Variants in PKNOX2 observed in about 807,000 individuals in gnomAD.
PKNOX2 encodes the protein PBX/knotted 1 homeobox 2, also known as homeobox protein PKNOX2.
Under a neutral mutation model 53.1 loss-of-function variants are expected in PKNOX2, and 14 were observed. The ratio of observed to expected loss-of-function variants is 0.26; its 90% CI spans 0.17 to 0.41. The LOEUF (loss-of-function observed/expected upper bound fraction) is 0.41. PKNOX2 is among the 10% of genes least tolerant of loss of function. PKNOX2 has a pLI of 1.00. For synonymous variants in PKNOX2, 257 were observed against 242.8 expected (o/e 1.06, Z -0.54); for missense variants, 496 against 602.8 (o/e 0.82, Z 1.85).
rs1350209830 is a variant in PKNOX2 at position 125,344,743 on chromosome 11, C to T, written c.-22-6541C>T. ...CCCACTGAGTATTCCAAGGAGGACC[C>T]GGAGGGGCAGTAGGGAAGCAGGTGT... On this transcript the variant is annotated intron_variant, in intron 3 of 12. Transcript: ENST00000298282. Among the ~76,000 whole-genome samples the T allele has an allele frequency of 2.6e-5, 4 of 152,122 alleles. No homozygotes were observed. The East Asian group carries it at 5.8e-4, about 22-fold the overall frequency.
In PKNOX2 at chr11:125,184,801, C is replaced by A. The variant is rs1956353049; in HGVS notation, c.-201+20025C>A. Reference sequence around the variant, plus strand: ...TGTCTCCCAAGAAGACCTAGTAAATCCTTAGTGGTAATAGGAATGACAGCA... The same window carrying A: ...TGTCTCCCAAGAAGACCTAGTAAATACTTAGTGGTAATAGGAATGACAGCA... On this transcript the variant is annotated intron_variant, in intron 1 of 12. Coordinates refer to ENST00000298282, the MANE Select transcript of PKNOX2 (RefSeq NM_001382323.2). Among the ~76,000 whole-genome samples the A allele has an allele frequency of 3.3e-5, 5 of 152,196 alleles. No homozygotes were observed. The South Asian group carries it at 1.0e-3, about 31-fold the overall frequency.
chr11:125,353,912 T>G (rs900748680), intron 4 of PKNOX2, among the ~76,000 whole-genome samples: 1 of 151,654 alleles, frequency 6.6e-6, no homozygotes, highest in African/African-American at 2.4e-5. Context: ...GGAAAGGAGC[T>G]AGGGCAGGGG....
intron 1 of PKNOX2, among the ~76,000 whole-genome samples, chr11:125,181,488 G>C (rs1471143124): frequency 7.3e-6 from 1 of 137,258 alleles, no homozygotes; most frequent in Non-Finnish European, 1.6e-5. Context: ...GGGAACAGTG[G>C]TTAGGAGTGT....
intron 2 of PKNOX2, among the ~76,000 whole-genome samples, chr11:125,305,759 T>C (rs34809176): frequency 0.26 from 40,249 of 152,008 alleles, 6,712 homozygotes; most frequent in East Asian, 0.53. Flanking sequence ...GCAAACCGAC[T>C]GAAGTGTGGT....
intron 5 of PKNOX2, among the ~76,000 whole-genome samples, chr11:125,382,393 G>A (rs376546357): frequency 2.1e-4 from 32 of 152,240 alleles, no homozygotes; most frequent in African/African-American, 7.0e-4. Context: ...AGGAATGTGC[G>A]GTGACCGCAG....
chr11:125,216,686 G>A (rs1422857251), intron 1 of PKNOX2, among the ~76,000 whole-genome samples: 1 of 152,164 alleles, frequency 6.6e-6, no homozygotes, highest in African/African-American at 2.4e-5. Context: ...CTGGATTTGG[G>A]AAGGCCTGCC....
intron 1 of PKNOX2, among the ~76,000 whole-genome samples, chr11:125,204,631 G>A (rs1938855455): frequency 6.6e-6 from 1 of 152,164 alleles, no homozygotes; most frequent in African/African-American, 2.4e-5. Flanking sequence ...TCTCTTCCAA[G>A]CCTACCTGCC....
intron 1 of PKNOX2, among the ~76,000 whole-genome samples, chr11:125,213,109 C>A (rs1565470712): frequency 6.6e-6 from 1 of 152,114 alleles, no homozygotes; most frequent in Non-Finnish European, 1.5e-5. Context: ...ATGCCTTCAG[C>A]CCCCTGTCTT....
At chr11:125,331,395 T>G (rs1015170974) in intron 2 of PKNOX2, among the ~76,000 whole-genome samples, 10 of 147,086 alleles carry the variant, frequency 6.8e-5, no homozygotes, top group Non-Finnish European at 1.5e-4. Flanking sequence ...CATTTGGATC[T>G]GCAACTTATC....
rs369009097 is a variant in PKNOX2, at chr11:125,385,518, G to T, written c.228-33G>T. On this transcript the variant is annotated intron_variant, in intron 5 of 12. Coordinates refer to ENST00000298282, the MANE Select transcript of PKNOX2 (RefSeq NM_001382323.2). ...ACAGGTAGCAGCACGGTCTCTGTGT[G>T]TGCGCATGTGTGAGCTCTTGATGTC... The T allele has an allele frequency of 4.4e-6, 7 of 1,578,720 alleles. No individual in the cohort carries two copies. In the African/African-American group the frequency reaches 8.2e-5, roughly 18 times the overall value.
intron 3 of PKNOX2, among the ~76,000 whole-genome samples, chr11:125,349,539 C>T (rs967592198): frequency 6.6e-5 from 10 of 152,124 alleles, no homozygotes; most frequent in East Asian, 1.9e-4. Context: ...GGCCTGAAGT[C>T]GGCATTTTTA....
In PKNOX2 at chr11:125,432,875, AG is replaced by A. The variant is rs1956762572; in HGVS notation, c.*1487del. 1 of 152,600 alleles carries A rather than the reference AG, an allele frequency of 6.6e-6. No homozygotes were observed. The highest frequency in any genetic ancestry group is 2.4e-5 in the African/African-American group (1 of 41,442). The allele number at this position is 152,600 out of a possible 1,614,324, so 9.5% of individuals were successfully genotyped here. ...GTGAGTGGCTACCTGGCTCAACTGG[AG>A]GGGACCCCTTGGGCCCTCTGGGGCT... On this transcript the variant is annotated 3_prime_UTR_variant, in exon 13 of 13. Coordinates refer to ENST00000298282, the MANE Select transcript of PKNOX2 (RefSeq NM_001382323.2).
At chr11:125,299,012 C>T (rs1306230578) in intron 2 of PKNOX2, among the ~76,000 whole-genome samples, 1 of 151,950 alleles carries the variant, frequency 6.6e-6, no homozygotes, top group East Asian at 1.9e-4. Context: ...CACAGTTCTG[C>T]AGGCTGTACA....
intron 4 of PKNOX2, among the ~76,000 whole-genome samples, chr11:125,356,977 C>T (rs191839165): frequency 9.2e-5 from 14 of 152,384 alleles, no homozygotes; most frequent in Admixed American, 2.6e-4. Flanking sequence ...GGGCCCTCTG[C>T]TCAGCTGCCT....
intron 2 of PKNOX2, among the ~76,000 whole-genome samples, chr11:125,242,394 G>A (rs961876480): frequency 2.6e-5 from 4 of 152,104 alleles, no homozygotes; most frequent in East Asian, 1.9e-4. Flanking sequence ...AAGCTAAGCC[G>A]CTCTGGGAGT....
At chr11:125,303,193 A>T (rs556168758) in intron 2 of PKNOX2, among the ~76,000 whole-genome samples, 3 of 152,102 alleles carry the variant, frequency 2.0e-5, no homozygotes, top group Non-Finnish European at 4.4e-5. Flanking sequence ...ACATAACCTA[A>T]ATCTCATACT....
chr11:125,316,796 T>G (rs60581705), intron 2 of PKNOX2, among the ~76,000 whole-genome samples: 9,532 of 152,110 alleles, frequency 0.063, 898 homozygotes, highest in African/African-American at 0.21. Context: ...TGATTAGGAG[T>G]TTAGTTGCTG....
At chr11:125,265,694 C>T (rs1488266064) in intron 2 of PKNOX2, among the ~76,000 whole-genome samples, 1 of 152,140 alleles carries the variant, frequency 6.6e-6, no homozygotes, top group African/African-American at 2.4e-5. Flanking sequence ...TCAGCTCAGC[C>T]CCCACCCCAA....
At chr11:125,401,757 G>A (rs1565516968) in intron 7 of PKNOX2, among the ~76,000 whole-genome samples, 1 of 143,502 alleles carries the variant, frequency 7.0e-6, no homozygotes, top group Non-Finnish European at 1.5e-5. Context: ...GAGAGAAAAG[G>A]AGCTTGTGAG....
Sources: gnomAD v4.1 joint callset for allele counts (sites outside exome capture counted in the v4.1 genomes callset) on GRCh38, gnomAD v4.1.1 for gene constraint, MANE v1.5 for transcripts, NCBI Gene and HGNC (gene_info 2026-07-23, HGNC 2026-07-21) for gene names.